SHB: variants seen among roughly 807,000 people sequenced by gnomAD.
The protein encoded by SHB is SH2 domain-containing adapter protein B.
Under a neutral mutation model 52.3 loss-of-function variants are expected in SHB, and 20 were observed. The observed-to-expected ratio is 0.38, with a 90% CI of 0.27 to 0.56. The LOEUF (loss-of-function observed/expected upper bound fraction) is 0.56, where lower values mean the gene tolerates loss of function less well. Ranked by LOEUF, SHB falls within the 20% of genes least tolerant of loss-of-function variation. The pLI is 0.71. For missense variants in SHB, 825 were observed against 723.3 expected, an observed-to-expected ratio of 1.14 and a Z score of -1.61; for synonymous variants, 397 against 316.5, an observed-to-expected ratio of 1.25 and a Z score of -2.70.
intron 1 of SHB, among the ~76,000 whole-genome samples, chr9:38,035,275 A>G (rs1341064055): frequency 6.6e-6 from 1 of 151,830 alleles, no homozygotes; most frequent in Non-Finnish European, 1.5e-5. Context: ...TATTCAAAGT[A>G]TAACAGAGTA....
chr9:37,942,661 G>T (rs1308675297), intron 5 of SHB, among the ~76,000 whole-genome samples: 2 of 152,238 alleles, frequency 1.3e-5, no homozygotes, highest in Admixed American at 6.5e-5. Context: ...ATCCCGTGAT[G>T]CTCAGGAAGG....
intron 4 of SHB, among the ~76,000 whole-genome samples, chr9:37,951,659 C>G (rs1832567786): frequency 6.6e-6 from 1 of 152,370 alleles, no homozygotes; most frequent in Admixed American, 6.5e-5. Flanking sequence ...CAGGAGCAAG[C>G]TCTGCTCTGA....
chr9:37,981,138 G>A (rs540584502), intron 2 of SHB, among the ~76,000 whole-genome samples: 1 of 152,340 alleles, frequency 6.6e-6, no homozygotes, highest in South Asian at 2.1e-4. Flanking sequence ...TTTGAAGCCA[G>A]GCATTGACTT....
intron 3 of SHB, among the ~76,000 whole-genome samples, chr9:37,957,524 G>A (rs1163946660): frequency 6.6e-6 from 1 of 152,192 alleles, no homozygotes; most frequent in African/African-American, 2.4e-5. Context: ...CCAACAGAAG[G>A]CTCCAGAGAC....
chr9:38,024,883 C>G (rs1366481233), intron 1 of SHB, among the ~76,000 whole-genome samples: 3 of 152,170 alleles, frequency 2.0e-5, no homozygotes. Flanking sequence ...ATCTCAAACT[C>G]TTGTGTGTGC....
intron 2 of SHB, among the ~76,000 whole-genome samples, chr9:38,007,183 G>A (rs985038265): frequency 1.3e-5 from 2 of 152,182 alleles, no homozygotes; most frequent in African/African-American, 2.4e-5. Flanking sequence ...TTTTTCCCCT[G>A]ACCCAGGCCC....
intron 5 of SHB, among the ~76,000 whole-genome samples, chr9:37,921,950 G>C (rs1402566908): frequency 6.6e-6 from 1 of 152,234 alleles, no homozygotes; most frequent in Non-Finnish European, 1.5e-5. Flanking sequence ...GCCTGGAGAA[G>C]GGGTGTGGAA....
intron 2 of SHB, among the ~76,000 whole-genome samples, chr9:37,998,061 T>C (rs1391940240): frequency 1.3e-5 from 2 of 152,232 alleles, no homozygotes; most frequent in African/African-American, 4.8e-5. Flanking sequence ...CATTCTGCTG[T>C]GGTGGAGCTG....
chr9:37,951,876 G>A (rs781403180), intron 4 of SHB, among the ~76,000 whole-genome samples: 1 of 152,266 alleles, frequency 6.6e-6, no homozygotes, highest in Admixed American at 6.5e-5. Flanking sequence ...TGGAGACTAG[G>A]AGTCAGGCTG....
At chr9:38,067,049 G>A (rs1378915631) in intron 1 of SHB, among the ~76,000 whole-genome samples, 1 of 152,198 alleles carries the variant, frequency 6.6e-6, no homozygotes, top group African/African-American at 2.4e-5. Flanking sequence ...ACAGGAGTGT[G>A]AAGGGGGAGG....
chr9:38,051,520 G>C (rs1286439982), intron 1 of SHB, among the ~76,000 whole-genome samples: 1 of 151,660 alleles, frequency 6.6e-6, no homozygotes, highest in African/African-American at 2.4e-5. Context: ...TGCCCGGGTT[G>C]AGTGTCTGCA....
chr9:38,021,450 A>T (rs1004395712), intron 1 of SHB, among the ~76,000 whole-genome samples: 1 of 152,014 alleles, frequency 6.6e-6, no homozygotes, highest in Non-Finnish European at 1.5e-5. Flanking sequence ...GAGGTCAGAT[A>T]ACCCTGAGTT....
intron 1 of SHB, among the ~76,000 whole-genome samples, chr9:38,016,595 C>T (rs925372033): frequency 1.3e-5 from 2 of 152,176 alleles, no homozygotes; most frequent in African/African-American, 2.4e-5. Flanking sequence ...ATAATTAGCT[C>T]GGCGTTCCAT....
At chr9:37,985,859 G>A (rs983385657) in intron 2 of SHB, among the ~76,000 whole-genome samples, 4 of 113,886 alleles carry the variant, frequency 3.5e-5, no homozygotes, top group South Asian at 2.7e-4. Flanking sequence ...AGCAGTGAGC[G>A]CCTGCCTGCG....
chr9:37,919,930 G>A lies in SHB; in HGVS notation c.1421C>T (p.Pro474Leu), dbSNP rs774985216. The A allele has an allele frequency of 2.1e-5, 34 of 1,613,888 alleles. No individual in the cohort carries two copies. The East Asian group carries it at 4.5e-4, about 21-fold the overall frequency. ...EKYVLGQNSPPFDSVPEVIHY... is the reference protein window; with the variant it reads ...EKYVLGQNSPLFDSVPEVIHY... Reference sequence around the variant, plus strand: ...GATGACTTCCGGGACACTGTCGAACGGAGGGCTGTTCTGACCCAGAACGTA... The same window carrying A: ...GATGACTTCCGGGACACTGTCGAACAGAGGGCTGTTCTGACCCAGAACGTA... Residue 474 changes from proline to leucine, a missense_variant, in exon 6 of 6, where the codon CCG becomes CTG. Physicochemically the swap from Pro to Leu is moderately conservative, Grantham distance 98. Coordinates refer to ENST00000377707, the MANE Select transcript of SHB (RefSeq NM_003028.3).
intron 2 of SHB, among the ~76,000 whole-genome samples, chr9:37,993,903 C>CA (rs1447709080): frequency 2.0e-5 from 3 of 152,134 alleles, no homozygotes; most frequent in African/African-American, 7.2e-5. Flanking sequence ...CAAAGACCTA[C>CA]AAAAAACTTA....
chr9:37,977,619 G>A (rs981468492), intron 2 of SHB, among the ~76,000 whole-genome samples: 1 of 152,176 alleles, frequency 6.6e-6, no homozygotes, highest in African/African-American at 2.4e-5. Flanking sequence ...TCACTTTACG[G>A]TGAAGACCAA....
chr9:37,966,031 G>T (rs968603303), intron 3 of SHB, among the ~76,000 whole-genome samples: 1 of 152,170 alleles, frequency 6.6e-6, no homozygotes, highest in African/African-American at 2.4e-5. Context: ...TGGAGACAGG[G>T]TTTCACCATA....
intron 5 of SHB, among the ~76,000 whole-genome samples, chr9:37,937,539 AG>A (rs1411617484): frequency 2.0e-5 from 3 of 152,014 alleles, no homozygotes; most frequent in Non-Finnish European, 4.4e-5. Flanking sequence ...GGCTGCTCAC[AG>A]GGGAGCTTCC....
Sources: allele counts gnomAD v4.1 joint callset (sites outside exome capture counted in the v4.1 genomes callset), GRCh38; gene constraint gnomAD v4.1.1; transcripts MANE v1.5; gene names NCBI Gene and HGNC (gene_info 2026-07-23, HGNC 2026-07-21).